The following ZNF503 variants were observed in gnomAD, a reference collection of about 807,000 sequenced individuals.
The protein encoded by ZNF503 is NocA-like zinc finger 2.
ZNF503 carries 15 observed loss-of-function variants against 34.4 expected under a neutral mutation model. That is an observed-to-expected ratio of 0.44 (90% confidence interval 0.29 to 0.67). The LOEUF (loss-of-function observed/expected upper bound fraction) is 0.67. Ranked by LOEUF, ZNF503 falls within the 30% of genes least tolerant of loss-of-function variation. The pLI is 0.13. For synonymous variants in ZNF503, 580 were observed against 456.8 expected, an observed-to-expected ratio of 1.27 and a Z score of -3.44; for missense variants, 1,007 against 926.8, an observed-to-expected ratio of 1.09 and a Z score of -1.12.
At chr10:75,358,421 C>G in the ZNF503 span, 3 of 152,104 alleles carry the variant, frequency 2.0e-5, no homozygotes, top group East Asian at 5.8e-4. Context: ...TTTGAGGCAG[C>G]TTGAGAAAGG....
the ZNF503 span, among the ~76,000 whole-genome samples, chr10:75,293,015 G>T: frequency 2.0e-5 from 3 of 152,234 alleles, no homozygotes; most frequent in African/African-American, 7.2e-5. Context: ...AAGGAAGAGA[G>T]AATCCGATGG....
chr10:75,295,030 C>T, the ZNF503 span, among the ~76,000 whole-genome samples: 2 of 152,028 alleles, frequency 1.3e-5, no homozygotes, highest in Non-Finnish European at 1.5e-5. The surrounding 1 kb of genome is among the most constrained non-coding windows in gnomAD (Gnocchi z 4.0). Flanking sequence ...CATGACGCTC[C>T]GGCAAATGCT....
the ZNF503 span, among the ~76,000 whole-genome samples, chr10:75,318,162 T>C: frequency 6.6e-6 from 1 of 152,200 alleles, no homozygotes; most frequent in Non-Finnish European, 1.5e-5. Flanking sequence ...TGTGTACATA[T>C]ATCAAAACAT....
chr10:75,401,080 T>G (rs1221791223), intron 1 of ZNF503, 25 bp downstream of exon 1: 26 of 1,613,516 alleles, frequency 1.6e-5, no homozygotes, highest in South Asian at 2.2e-5. Flanking sequence ...GTGGTCCCAG[T>G]GCGATCCAGA....
chr10:75,367,208 T>C, the ZNF503 span, among the ~76,000 whole-genome samples: 2 of 152,082 alleles, frequency 1.3e-5, no homozygotes, highest in Non-Finnish European at 2.9e-5. Context: ...CAGGAAATTG[T>C]CTCTCTACCC....
chr10:75,358,269 C>A, the ZNF503 span: 1 of 152,144 alleles, frequency 6.6e-6, no homozygotes, highest in African/African-American at 2.4e-5. Context: ...TGTTTTATTA[C>A]CCTGAGCTGC....
chr10:75,289,745 T>C, the ZNF503 span, among the ~76,000 whole-genome samples: 1 of 152,090 alleles, frequency 6.6e-6, no homozygotes, highest in African/African-American at 2.4e-5. Context: ...TTTGGATTTT[T>C]AGTAGAGACG....
chr10:75,328,976 A>T, the ZNF503 span, among the ~76,000 whole-genome samples: 607 of 151,886 alleles, frequency 4.0e-3, 2 homozygotes, highest in South Asian at 0.01. Context: ...AGAACTCCTG[A>T]CCTCAGGTGA....
chr10:75,306,460 A>C, the ZNF503 span, among the ~76,000 whole-genome samples: 1 of 152,248 alleles, frequency 6.6e-6, no homozygotes, highest in African/African-American at 2.4e-5. Flanking sequence ...CTAATATGAT[A>C]TATGACTTGT....
chr10:75,340,195 G>C, the ZNF503 span, among the ~76,000 whole-genome samples: 1 of 151,284 alleles, frequency 6.6e-6, no homozygotes, highest in Non-Finnish European at 1.5e-5. Context: ...GCAGTGAGCC[G>C]TGATCACACC....
At chr10:75,296,989 T>A in the ZNF503 span, among the ~76,000 whole-genome samples, 1 of 152,162 alleles carries the variant, frequency 6.6e-6, no homozygotes, top group Non-Finnish European at 1.5e-5. Context: ...TAGGTGAGCC[T>A]CTCCATCTAC....
In ZNF503 at chr10:75,399,268, C is replaced by T. The variant is rs978560778; in HGVS notation, c.1422G>A (p.Pro474=). 2.5e-6 allele frequency: 4 copies of T among 1,597,304 alleles called. No individual in the cohort carries two copies. Among genetic ancestry groups the T allele is most frequent in the Admixed American group, 3.4e-5 (2 of 58,320 alleles). ...SGYPLVYPTH[P]LHGVHSSLTA... ...TTAGCGAGGAGTGCACACCGTGCAG[C>T]GGGTGCGTGGGGTACACCAGCGGGT... Residue 474 remains proline (P), a synonymous_variant, in exon 2 of 2, where the codon CCG becomes CCA. Coordinates refer to ENST00000372524, the MANE Select transcript of ZNF503 (RefSeq NM_032772.6).
chr10:75,369,876 G>GAGTTC, the ZNF503 span, among the ~76,000 whole-genome samples: 1 of 152,010 alleles, frequency 6.6e-6, no homozygotes, highest in African/African-American at 2.4e-5. Context: ...AGACCAGCCT[G>GAGTTC]GCCAACATGG....
At chr10:75,397,599 T>C (rs1301585896), downstream of ZNF503, among the ~76,000 whole-genome samples, 3 of 152,032 alleles carry the variant, frequency 2.0e-5, no homozygotes, top group Non-Finnish European at 4.4e-5. Flanking sequence ...AAATGATAGA[T>C]AGCGGAGGAC....
the ZNF503 span, among the ~76,000 whole-genome samples, chr10:75,374,658 G>A: frequency 6.6e-6 from 1 of 152,190 alleles, no homozygotes; most frequent in Non-Finnish European, 1.5e-5. Flanking sequence ...CCAACATGCC[G>A]TGTGGTTTCT....
At chr10:75,394,336 G>A (rs979054455), downstream of ZNF503, among the ~76,000 whole-genome samples, 11 of 152,218 alleles carry the variant, frequency 7.2e-5, no homozygotes, top group African/African-American at 2.2e-4. Flanking sequence ...CCCATGGGCT[G>A]GGCATAGCCC....
At chr10:75,285,730 G>T in the ZNF503 span, among the ~76,000 whole-genome samples, 3 of 152,182 alleles carry the variant, frequency 2.0e-5, no homozygotes, top group South Asian at 6.2e-4. Context: ...CTGAAGAGCT[G>T]GTCATTAAGC....
At chr10:75,360,572 C>T in the ZNF503 span, 6 of 152,364 alleles carry the variant, frequency 3.9e-5, no homozygotes, top group South Asian at 2.1e-4. Context: ...TCCCTGAACC[C>T]AGCCTGAAGA....
the ZNF503 span, among the ~76,000 whole-genome samples, chr10:75,312,045 T>C: frequency 6.6e-6 from 1 of 152,104 alleles, no homozygotes; most frequent in Non-Finnish European, 1.5e-5. Flanking sequence ...GTTTCAGGAA[T>C]GTTTGTAATT....
Sources: allele counts gnomAD v4.1 joint callset (sites outside exome capture counted in the v4.1 genomes callset), GRCh38; gene constraint gnomAD v4.1.1; non-coding constraint Gnocchi (gnomAD v3.1); transcripts MANE v1.5; gene names NCBI Gene and HGNC (gene_info 2026-07-23, HGNC 2026-07-21).